ZNF469: variants seen among roughly 807,000 people sequenced by gnomAD.
The protein encoded by ZNF469 is zinc finger protein 469.
Under a neutral mutation model 1.0 loss-of-function variants are expected in ZNF469, and 1 was observed. That is an observed-to-expected ratio of 1.00 (90% CI 0.35 to 4.73). The LOEUF is 4.73. Among genes scored for constraint, ZNF469 ranks in the 30% most tolerant of loss-of-function variants. The pLI is 0.16. For synonymous variants in ZNF469, 2,703 were observed against 2,363.4 expected (o/e 1.14, Z -4.17); for missense variants, 6,100 against 5,356.3 (o/e 1.14, Z -4.33).
chr16:88,410,598 G>C (rs1220109215), intron 1 of ZNF469, among the ~76,000 whole-genome samples: 1 of 148,560 alleles, frequency 6.7e-6, no homozygotes, highest in East Asian at 2.0e-4. Flanking sequence ...CGTGATCATG[G>C]AGAAGTTCAC....
Position 88,436,487 on chromosome 16 carries a change from C to T in ZNF469, c.9017C>T (p.Ala3006Val), listed in dbSNP as rs931171498. 2 of 1,547,580 alleles carry T rather than the reference C, an allele frequency of 1.3e-6. No homozygotes were observed. The highest frequency in any genetic ancestry group is 2.7e-5 in the African/African-American group (2 of 73,186). The change falls in exon 3 of 3, where the codon GCC becomes GTC. Residue 3006 changes from alanine (A) to valine (V), a missense_variant. Physicochemically the swap from Ala to Val is moderately conservative, Grantham distance 64. Transcript: ENST00000565624. ...AWRGLEMPAP[A>V]DDSSSSLGDV... is the part of the protein sequence containing the mutation. ...CGAGGCCTGGAGATGCCGGCCCCTG[C>T]CGATGACTCCTCCTCTTCTCTCGGA...
At chr16:88,425,008 C>T (rs1311740600) in intron 2 of ZNF469, among the ~76,000 whole-genome samples, 137 bp downstream of exon 2, 1 of 152,122 alleles carries the variant, frequency 6.6e-6, no homozygotes, top group Non-Finnish European at 1.5e-5. Flanking sequence ...TACTGCCTCC[C>T]GAGAGCCGAC....
chr16:88,163,047 G>A, the ZNF469 span, among the ~76,000 whole-genome samples: 2 of 152,066 alleles, frequency 1.3e-5, no homozygotes, highest in South Asian at 4.2e-4. Flanking sequence ...ATGAATGGAT[G>A]TGTGGGTGGG....
chr16:88,247,849 C>G, the ZNF469 span, among the ~76,000 whole-genome samples: 32 of 152,262 alleles, frequency 2.1e-4, no homozygotes, highest in Admixed American at 1.8e-3. Context: ...GAATGAGTGA[C>G]TGCTTGGGTG....
rs1773958689 is a variant in ZNF469 at position 88,429,223 on chromosome 16, G to A, written c.1753G>A (p.Gly585Arg). ...CAGCCTGCCCCCACCGAGGGTAGTG[G>A]GAGCCTCCCCCAGCGAGTCCCCACT... ...TPSLPPPRVVGASPSESPLPS... is the reference protein window; with the variant it reads ...TPSLPPPRVVRASPSESPLPS... Residue 585 changes from glycine (G) to arginine (R), a missense_variant, in exon 3 of 3, where the codon GGA becomes AGA. Coordinates refer to ENST00000565624, the MANE Select transcript of ZNF469 (RefSeq NM_001367624.2). 5 of 1,549,536 alleles carry A rather than the reference G, an allele frequency of 3.2e-6. No individual in the cohort carries two copies. In the African/African-American group the frequency reaches 5.5e-5, roughly 17 times the overall value.
chr16:88,156,429 C>T, the ZNF469 span, among the ~76,000 whole-genome samples: 1 of 152,182 alleles, frequency 6.6e-6, no homozygotes, highest in East Asian at 1.9e-4. Flanking sequence ...GGTAGGGGTT[C>T]AGCTCCATCC....
the ZNF469 span, among the ~76,000 whole-genome samples, chr16:88,326,964 G>A: frequency 1.3e-5 from 2 of 152,080 alleles, no homozygotes; most frequent in African/African-American, 2.4e-5. Flanking sequence ...CCTCCCCGTC[G>A]CTCTCCCTCC....
At chr16:88,348,447 A>C in the ZNF469 span, among the ~76,000 whole-genome samples, 34 of 152,176 alleles carry the variant, frequency 2.2e-4, no homozygotes, top group Non-Finnish European at 4.4e-4. Flanking sequence ...GGCCACACCA[A>C]CAGGTCCCCA....
rs950986305 is a variant in ZNF469 at position 88,433,931 on chromosome 16, C to T, written c.6461C>T (p.Pro2154Leu). ...GGLGGQLPAS[P>L]SCRDPPGPQQ... Reference sequence around the variant, plus strand: ...CTGGGGGGGCAGCTGCCAGCATCTCCGTCCTGCAGGGACCCTCCCGGCCCC... The same window carrying T: ...CTGGGGGGGCAGCTGCCAGCATCTCTGTCCTGCAGGGACCCTCCCGGCCCC... Residue 2154 changes from proline (P) to leucine (L), a missense_variant, in exon 3 of 3, where the codon CCG becomes CTG. Pro to Leu is a moderately conservative substitution (Grantham distance 98). Transcript: ENST00000565624. 2.9e-5 allele frequency: 45 copies of T among 1,549,758 alleles called. 1 individual carries two copies. Among genetic ancestry groups the T allele is most frequent in the East Asian group, 7.3e-5 (3 of 40,924 alleles).
chr16:88,196,072 T>C, the ZNF469 span, among the ~76,000 whole-genome samples: 1 of 152,222 alleles, frequency 6.6e-6, no homozygotes, highest in South Asian at 2.1e-4. Context: ...GACTTATCCA[T>C]CTGCATTTGG....
chr16:88,244,981 T>A, the ZNF469 span, among the ~76,000 whole-genome samples: 2 of 151,814 alleles, frequency 1.3e-5, no homozygotes, highest in African/African-American at 2.4e-5. Flanking sequence ...CATGAACTGA[T>A]CAGAAGACCC....
chr16:88,192,889 G>A, the ZNF469 span, among the ~76,000 whole-genome samples: 1 of 21,542 alleles, frequency 4.6e-5, no homozygotes, highest in African/African-American at 1.7e-4. Flanking sequence ...GATGATGGTG[G>A]TGGTGATGGT....
rs1905782461 is a variant in ZNF469, at chr16:88,427,696, C to G, written c.226C>G (p.Pro76Ala). 3 of 1,532,656 alleles carry G rather than the reference C, an allele frequency of 2.0e-6. No individual in the cohort carries two copies. The highest frequency in any genetic ancestry group is 2.6e-6 in the Non-Finnish European group (3 of 1,141,634). 94.9% of individuals were successfully genotyped at this position (1,532,656 alleles called of 1,614,324 possible). The change falls in exon 3 of 3, where the codon CCA becomes GCA. Residue 76 changes from proline to alanine, a missense_variant. Coordinates refer to ENST00000565624, the MANE Select transcript of ZNF469 (RefSeq NM_001367624.2). ...RQARDGELKP[P>A]SLRGQAPSST... ...GGCCAGGGACGGGGAGCTCAAGCCC[C>G]CATCCCTGAGAGGCCAGGCCCCGAG...
chr16:88,420,418 A>G (rs1178489303), intron 1 of ZNF469, among the ~76,000 whole-genome samples: 1 of 152,226 alleles, frequency 6.6e-6, no homozygotes, highest in Non-Finnish European at 1.5e-5. Flanking sequence ...AGGGTGTCAC[A>G]GACAGGCCCA....
the ZNF469 span, among the ~76,000 whole-genome samples, chr16:88,112,567 C>A: frequency 2.8e-4 from 42 of 152,212 alleles, no homozygotes; most frequent in African/African-American, 1.0e-3. Flanking sequence ...TGCCTGTTGG[C>A]CATTTGTGTG....
the ZNF469 span, among the ~76,000 whole-genome samples, chr16:88,277,443 T>G: frequency 7.3e-6 from 1 of 136,698 alleles, no homozygotes; most frequent in Non-Finnish European, 1.6e-5. Context: ...TGCACCACAC[T>G]GACGCTTGGT....
chr16:88,273,285 G>A, the ZNF469 span, among the ~76,000 whole-genome samples: 51 of 151,690 alleles, frequency 3.4e-4, 2 homozygotes, highest in African/African-American at 1.2e-3. Flanking sequence ...AAACAGTCAT[G>A]GTTCTGTCCC....
chr16:88,431,378 G>GTGGTCC lies in ZNF469; in HGVS notation c.3912_3917dup (p.Pro1305_Gly1306dup). The GTGGTCC allele has an allele frequency of 6.5e-7, 1 of 1,550,036 alleles. No individual in the cohort carries two copies. Among genetic ancestry groups the GTGGTCC allele is most frequent in the Non-Finnish European group, 8.7e-7 (1 of 1,146,922 alleles). On this transcript the variant is annotated inframe_insertion, in exon 3 of 3. Transcript: ENST00000565624. ...ACGCCAGGTGTGGGCAGCCTGCTGG[G>GTGGTCC]TGGTCCTGGGGGCACACAGGCCCCA...
the ZNF469 span, among the ~76,000 whole-genome samples, chr16:88,355,779 G>A: frequency 3.9e-5 from 6 of 152,180 alleles, no homozygotes; most frequent in Non-Finnish European, 7.4e-5. Context: ...AACTGTGAGC[G>A]GGGCCGGGGG....
Sources: gnomAD v4.1 joint callset for allele counts (sites outside exome capture counted in the v4.1 genomes callset) on GRCh38, gnomAD v4.1.1 for gene constraint, MANE v1.5 for transcripts, NCBI Gene and HGNC (gene_info 2026-07-23, HGNC 2026-07-21) for gene names.